MARCHF1: variants seen among roughly 807,000 people sequenced by gnomAD.
MARCHF1 encodes membrane associated ring-CH-type finger 1.
Under a neutral mutation model 54.2 loss-of-function variants are expected in MARCHF1, and 40 were observed. The observed-to-expected ratio is 0.74, with a 90% CI of 0.57 to 0.96. The LOEUF (loss-of-function observed/expected upper bound fraction) is 0.96. MARCHF1 is among the 40% of genes least tolerant of loss of function. The probability of loss-of-function intolerance (pLI) is 0.00; values close to 1 mark genes in which losing one functional copy is unlikely to be tolerated. For missense variants in MARCHF1, 586 were observed against 656.5 expected (o/e 0.89, Z 1.17); for synonymous variants, 236 against 236.3 (o/e 1.00, Z 0.01).
chr4:163,983,978 A>T (rs188292726), intron 3 of MARCHF1, among the ~76,000 whole-genome samples: 13 of 151,860 alleles, frequency 8.6e-5, no homozygotes, highest in Admixed American at 7.9e-4. Flanking sequence ...TTTTTTAGTA[A>T]ATTTTACTAA....
intron 7 of MARCHF1, among the ~76,000 whole-genome samples, chr4:163,593,730 A>T (rs146505543): frequency 6.6e-6 from 1 of 152,344 alleles, no homozygotes; most frequent in African/African-American, 2.4e-5. Flanking sequence ...CACTTTATTT[A>T]CAGATAACCA....
intron 5 of MARCHF1, among the ~76,000 whole-genome samples, chr4:163,642,777 C>A (rs1384409153): frequency 6.6e-6 from 1 of 151,970 alleles, no homozygotes; most frequent in Non-Finnish European, 1.5e-5. Flanking sequence ...CCTAAAAACA[C>A]CTGTATCTAT....
At chr4:163,866,314 T>C (rs1750046173) in intron 3 of MARCHF1, among the ~76,000 whole-genome samples, 1 of 151,010 alleles carries the variant, frequency 6.6e-6, no homozygotes, top group East Asian at 1.9e-4. Flanking sequence ...AACTGTATTA[T>C]ATACCAAGAG....
chr4:163,820,963 T>A (rs1293758445), intron 4 of MARCHF1, among the ~76,000 whole-genome samples: 3 of 152,000 alleles, frequency 2.0e-5, no homozygotes, highest in Non-Finnish European at 4.4e-5. Context: ...CTGCTTAAAA[T>A]TCCTTATTGT....
chr4:164,025,362 C>A (rs76886767), intron 2 of MARCHF1, among the ~76,000 whole-genome samples: 2,121 of 151,598 alleles, frequency 0.014, 43 homozygotes, highest in African/African-American at 0.045. Flanking sequence ...TCAATAAATT[C>A]AAAAAAACAA....
intron 3 of MARCHF1, among the ~76,000 whole-genome samples, chr4:163,911,200 T>A (rs1252346049): frequency 6.6e-6 from 1 of 152,202 alleles, no homozygotes; most frequent in Non-Finnish European, 1.5e-5. Context: ...TGTTTTACCA[T>A]CTATCTTTAT....
chr4:163,942,573 A>G (rs1460022774), intron 3 of MARCHF1, among the ~76,000 whole-genome samples: 2 of 152,192 alleles, frequency 1.3e-5, no homozygotes, highest in Admixed American at 1.3e-4. Flanking sequence ...CCTTGAATAC[A>G]CTTCTGCCTA....
At chr4:163,796,222 T>TA (rs1554014061) in intron 4 of MARCHF1, among the ~76,000 whole-genome samples, 1 of 20,140 alleles carries the variant, frequency 5.0e-5, no homozygotes, top group Non-Finnish European at 1.5e-4. Flanking sequence ...AAACTTCTAG[T>TA]TTTTTTTTTT....
chr4:163,710,378 A>C (rs1212881555), intron 4 of MARCHF1, among the ~76,000 whole-genome samples: 2 of 152,192 alleles, frequency 1.3e-5, no homozygotes, highest in African/African-American at 4.8e-5. Flanking sequence ...ATAATATATT[A>C]TGTACTTACA....
At chr4:163,973,238 A>G (rs1326857819) in intron 3 of MARCHF1, among the ~76,000 whole-genome samples, 2 of 152,204 alleles carry the variant, frequency 1.3e-5, no homozygotes. Flanking sequence ...AACAACTTGC[A>G]TTTTATTTAG....
intron 5 of MARCHF1, among the ~76,000 whole-genome samples, chr4:163,633,952 A>G (rs1392720683): frequency 6.6e-6 from 1 of 152,168 alleles, no homozygotes; most frequent in Non-Finnish European, 1.5e-5. Flanking sequence ...CAACATTCTT[A>G]AAGAAAAGAA....
At chr4:163,659,629 G>A (rs1323885540) in intron 5 of MARCHF1, among the ~76,000 whole-genome samples, 3 of 151,966 alleles carry the variant, frequency 2.0e-5, no homozygotes, top group African/African-American at 7.3e-5. Flanking sequence ...CTACAGAATG[G>A]GAGAGAATTT....
At chr4:163,879,304 C>T (rs4691105) in intron 3 of MARCHF1, among the ~76,000 whole-genome samples, 149,910 of 152,282 alleles carry the variant, frequency 0.98, 73,841 homozygotes, top group Middle Eastern at 1. Context: ...AGCATGGCTG[C>T]CAACTAGTAT....
At chr4:164,050,524 T>A (rs1052065963) in intron 2 of MARCHF1, among the ~76,000 whole-genome samples, 11 of 152,110 alleles carry the variant, frequency 7.2e-5, no homozygotes, top group African/African-American at 2.7e-4. Flanking sequence ...CCATGTTATC[T>A]CATCTCCATT....
intron 5 of MARCHF1, among the ~76,000 whole-genome samples, chr4:163,684,166 A>T (rs1744196773): frequency 6.6e-6 from 1 of 152,204 alleles, no homozygotes; most frequent in South Asian, 2.1e-4. Flanking sequence ...TCAAGGAAGT[A>T]GCAAAGGTTC....
At chr4:163,591,851 T>C (rs1740601861) in intron 7 of MARCHF1, among the ~76,000 whole-genome samples, 1 of 152,164 alleles carries the variant, frequency 6.6e-6, no homozygotes, top group Admixed American at 6.6e-5. Flanking sequence ...GTAACAATTT[T>C]ATACCCTATC....
intron 1 of MARCHF1, among the ~76,000 whole-genome samples, chr4:164,176,966 CTCTCTCTCTCTCTCTATATA>C (rs1476798897): frequency 6.4e-5 from 3 of 46,730 alleles, no homozygotes; most frequent in African/African-American, 3.2e-4. Context: ...CTCTCTCTCT[CTCTCTCTCTCTCTCTATATA>C]TATATATATA....
chr4:164,197,316 G>C, intron 1 of MARCHF1: 2 of 1,612,186 alleles, frequency 1.2e-6, no homozygotes, highest in Non-Finnish European at 8.5e-7. Context: ...GGAGAAGCTT[G>C]AACACGTTTT....
At chr4:164,098,281 A>C (rs547696221) in intron 2 of MARCHF1, among the ~76,000 whole-genome samples, 1 of 152,286 alleles carries the variant, frequency 6.6e-6, no homozygotes, top group Admixed American at 6.5e-5. Context: ...TGGTTATGAA[A>C]ATATATGTAG....
Sources: gnomAD v4.1 joint callset for allele counts (sites outside exome capture counted in the v4.1 genomes callset) on GRCh38, gnomAD v4.1.1 for gene constraint, MANE v1.5 for transcripts, NCBI Gene and HGNC (gene_info 2026-07-23, HGNC 2026-07-21) for gene names.